Variants in ABLIM2 observed in about 807,000 individuals in gnomAD.
ABLIM2 encodes the protein actin binding LIM protein family member 2.
A neutral mutation model predicts 97.7 loss-of-function variants in ABLIM2; 53 were observed. The ratio of observed to expected loss-of-function variants is 0.54; its 90% confidence interval spans 0.44 to 0.68. The LOEUF (loss-of-function observed/expected upper bound fraction) is 0.68. ABLIM2 is among the 30% of genes least tolerant of loss of function. The probability of loss-of-function intolerance (pLI) is 0.00; values close to 1 mark genes in which losing one functional copy is unlikely to be tolerated. For missense variants in ABLIM2, 835 were observed against 867.2 expected (o/e 0.96, Z 0.47); for synonymous variants, 361 against 345.8 (o/e 1.04, Z -0.49).
At chr4:8,055,617 G>A (rs148327840) in intron 7 of ABLIM2, among the ~76,000 whole-genome samples, 10 of 152,300 alleles carry the variant, frequency 6.6e-5, no homozygotes, top group Non-Finnish European at 1.3e-4. Flanking sequence ...CACATGGTAG[G>A]GGCTGAAAAG....
At chr4:7,972,011 C>A (rs952548014) in intron 20 of ABLIM2, among the ~76,000 whole-genome samples, 3 of 152,150 alleles carry the variant, frequency 2.0e-5, no homozygotes, top group Non-Finnish European at 2.9e-5. Context: ...GGAGGCCCTG[C>A]ATACAGGGGT....
rs1177268945 is a variant in ABLIM2, at chr4:7,965,715, T to G, written c.*1275A>C. On this transcript the variant is annotated 3_prime_UTR_variant, in exon 21 of 21. Transcript: ENST00000447017. ...TAATGACAGACACCAACGCCTTCGC[T>G]TGGGGAGCCCGGCCAGCCTCCTGCT... 1 of 152,212 alleles carries G rather than the reference T, an allele frequency of 6.6e-6. No individual in the cohort carries two copies. Among genetic ancestry groups the G allele is most frequent in the Admixed American group, 6.5e-5 (1 of 15,278 alleles). 9.4% of individuals were successfully genotyped at this position (152,212 alleles called of 1,614,324 possible).
At chr4:8,029,117 G>A (rs892257763) in intron 11 of ABLIM2, among the ~76,000 whole-genome samples, 14 of 152,198 alleles carry the variant, frequency 9.2e-5, no homozygotes, top group African/African-American at 2.2e-4. Flanking sequence ...GACCTGTCTC[G>A]GGGCTCTCTC....
rs1744332169 is a variant in ABLIM2 at position 7,986,580 on chromosome 4, C to T, written c.1681-1687G>A. Among the ~76,000 whole-genome samples the T allele has an allele frequency of 6.6e-6, 1 of 152,210 alleles. No homozygotes were observed. Among genetic ancestry groups the T allele is most frequent in the Non-Finnish European group, 1.5e-5 (1 of 68,038 alleles). The stretch of plus-strand genomic sequence containing the variant: ...ATTTTCTTCTTTAGTGCCTTGCTCC[C>T]TCACTCTAGTTCTGGGCCTGGACCC... On this transcript the variant is annotated intron_variant, in intron 17 of 20. Coordinates refer to ENST00000447017, the MANE Select transcript of ABLIM2 (RefSeq NM_001130083.2). The surrounding 1 kb of genome is among the most constrained non-coding windows in gnomAD (Gnocchi z 4.3).
chr4:8,080,184 C>T (rs576148202), intron 5 of ABLIM2, among the ~76,000 whole-genome samples: 4 of 152,312 alleles, frequency 2.6e-5, no homozygotes, highest in South Asian at 2.1e-4. Flanking sequence ...CAGGGGCCCC[C>T]GCTCTGCAGA....
At chr4:8,077,819 G>T in intron 5 of ABLIM2, 98 bp from the exon 6 acceptor site, 2 of 1,047,008 alleles carry the variant, frequency 1.9e-6, no homozygotes, top group Non-Finnish European at 2.8e-6. Flanking sequence ...CTCAAAGTGG[G>T]GGAATGCCCA....
intron 2 of ABLIM2, among the ~76,000 whole-genome samples, chr4:8,103,374 G>A (rs1323323160): frequency 3.9e-5 from 6 of 152,252 alleles, no homozygotes; most frequent in Non-Finnish European, 7.3e-5. Flanking sequence ...GCAGGAAATC[G>A]TAGTTACTCC....
chr4:7,975,108 C>T (rs1249327600), intron 20 of ABLIM2, among the ~76,000 whole-genome samples: 1 of 152,122 alleles, frequency 6.6e-6, no homozygotes, highest in Non-Finnish European at 1.5e-5. Context: ...GTCCCAGCTA[C>T]TCAGGAGGCT....
At chr4:8,070,391 T>A (rs1811179848) in intron 6 of ABLIM2, among the ~76,000 whole-genome samples, 1 of 151,992 alleles carries the variant, frequency 6.6e-6, no homozygotes, top group Admixed American at 6.6e-5. Flanking sequence ...GCACTATGAA[T>A]GTTTTGGCTT....
At chr4:8,037,077 C>A (rs1011326617) in intron 9 of ABLIM2, among the ~76,000 whole-genome samples, 4 of 151,894 alleles carry the variant, frequency 2.6e-5, no homozygotes, top group East Asian at 1.9e-4. Context: ...TTGGGTAAAT[C>A]GATGTTATAC....
intron 18 of ABLIM2, among the ~76,000 whole-genome samples, chr4:7,984,059 C>T (rs1000452738): frequency 7.9e-5 from 12 of 152,220 alleles, no homozygotes; most frequent in Admixed American, 2.0e-4. Context: ...AGACTGAAAG[C>T]GTCTTATCAC....
At chr4:8,040,536 G>A (rs182041409) in intron 9 of ABLIM2, among the ~76,000 whole-genome samples, 32 of 152,068 alleles carry the variant, frequency 2.1e-4, no homozygotes, top group Non-Finnish European at 3.2e-4. Flanking sequence ...GCTTGAACCC[G>A]GGAGGCAGAA....
intron 20 of ABLIM2, among the ~76,000 whole-genome samples, chr4:7,974,359 T>C (rs1163399425): frequency 0.011 from 706 of 66,026 alleles, no homozygotes; most frequent in Middle Eastern, 0.015. Context: ...ATCCATCCAC[T>C]CCTCCATTCA....
At chr4:8,024,201 C>G (rs1775829514) in intron 12 of ABLIM2, among the ~76,000 whole-genome samples, 1 of 152,194 alleles carries the variant, frequency 6.6e-6, no homozygotes, top group African/African-American at 2.4e-5. Flanking sequence ...GGGCCCACCG[C>G]TCAGCACATG....
At chr4:8,151,724 C>G (rs374651026) in intron 1 of ABLIM2, among the ~76,000 whole-genome samples, 3 of 151,978 alleles carry the variant, frequency 2.0e-5, no homozygotes, top group East Asian at 1.9e-4. Flanking sequence ...CACAGAGGGA[C>G]GATGACTTGT....
chr4:8,080,733 A>G lies in ABLIM2; in HGVS notation c.524T>C (p.Leu175Ser). 1 of 1,612,948 alleles carries G rather than the reference A, an allele frequency of 6.2e-7. No individual in the cohort carries two copies. The highest frequency in any genetic ancestry group is 8.5e-7 in the Non-Finnish European group (1 of 1,179,140). Residue 175 changes from leucine to serine, a missense_variant, in exon 5 of 21, where the codon TTG (leucine) becomes TCG (serine). By Grantham distance (145) the Leu-to-Ser change is moderately radical. Transcript: ENST00000447017. ...ACAGCTCTTGCACTTAAAACAGCCC[A>G]AGTGCCAGTGCTTGTCCAAGGCTAC... Reference protein sequence around the residue: ...ALVALDKHWHLGCFKCKSCGK... With the variant: ...ALVALDKHWHSGCFKCKSCGK...
Position 8,150,642 on chromosome 4 carries a change from A to T in ABLIM2, c.10+8038T>A, listed in dbSNP as rs527893660. On this transcript the variant is annotated intron_variant, in intron 1 of 20. Coordinates refer to ENST00000447017, the MANE Select transcript of ABLIM2 (RefSeq NM_001130083.2). The surrounding 1 kb of genome is among the most constrained non-coding windows in gnomAD (Gnocchi z 6.3). Reference sequence around the variant, plus strand: ...GGAGGAGCCACTGCTGCTGCCTGGGATGGGGGCTGCTCAGTAGAATGCAGC... The same window carrying T: ...GGAGGAGCCACTGCTGCTGCCTGGGTTGGGGGCTGCTCAGTAGAATGCAGC... 1.4e-3 allele frequency among the ~76,000 whole-genome samples: 214 copies of T among 152,246 alleles called. No individual in the cohort carries two copies. The highest frequency in any genetic ancestry group is 2.5e-3 in the Non-Finnish European group (170 of 68,008).
intron 16 of ABLIM2, among the ~76,000 whole-genome samples, chr4:7,995,451 G>C (rs145940479): frequency 3.3e-5 from 5 of 152,334 alleles, no homozygotes; most frequent in South Asian, 2.1e-4. Flanking sequence ...TCTGTGCACA[G>C]AACTGCCCAC....
At chr4:7,968,910 G>T (rs1725289701) in intron 20 of ABLIM2, among the ~76,000 whole-genome samples, 1 of 152,124 alleles carries the variant, frequency 6.6e-6, no homozygotes, top group Non-Finnish European at 1.5e-5. Flanking sequence ...GGAGGTTGAG[G>T]CGTGTGGATC....
Sources: gnomAD v4.1 joint callset for allele counts (sites outside exome capture counted in the v4.1 genomes callset) on GRCh38, gnomAD v4.1.1 for gene constraint, Gnocchi (gnomAD v3.1) non-coding constraint, MANE v1.5 for transcripts, NCBI Gene and HGNC (gene_info 2026-07-23, HGNC 2026-07-21) for gene names.